The following ZNF423 variants were observed in gnomAD, a reference collection of about 807,000 sequenced individuals.
ZNF423 encodes the protein Ebf-associated zinc finger protein.
ZNF423 carries 12 observed loss-of-function variants against 95.8 expected under a neutral mutation model. The ratio of observed to expected loss-of-function variants is 0.13; its 90% confidence interval spans 0.08 to 0.20. The LOEUF (loss-of-function observed/expected upper bound fraction) is 0.20. Among genes scored for constraint, ZNF423 ranks in the 10% least tolerant of loss-of-function variants. The probability of loss-of-function intolerance (pLI) is 1.00; values close to 1 mark genes in which losing one functional copy is unlikely to be tolerated. For synonymous variants in ZNF423, 749 were observed against 711.9 expected (o/e 1.05, Z -0.83); for missense variants, 1,316 against 1,737.1 (o/e 0.76, Z 4.31).
chr16:49,688,386 A>T (rs1388819430), intron 3 of ZNF423, among the ~76,000 whole-genome samples: 1 of 152,192 alleles, frequency 6.6e-6, no homozygotes, highest in Non-Finnish European at 1.5e-5. Context: ...AATCATTTCA[A>T]CAGAAAAGAC....
chr16:49,525,536 T>C, intron 5 of ZNF423, 42 bp from the exon 6 acceptor site: 2 of 1,612,212 alleles, frequency 1.2e-6, no homozygotes, highest in Non-Finnish European at 1.7e-6. Flanking sequence ...CAGCATGCCA[T>C]GTCCCCCAGA....
chr16:49,537,167 G>T (rs1446505733), intron 5 of ZNF423, among the ~76,000 whole-genome samples: 1 of 152,182 alleles, frequency 6.6e-6, no homozygotes, highest in Non-Finnish European at 1.5e-5. Context: ...ACGAACACAG[G>T]AACACTGCAG....
At chr16:49,660,016 C>G (rs1428450043) in intron 3 of ZNF423, among the ~76,000 whole-genome samples, 1 of 152,232 alleles carries the variant, frequency 6.6e-6, no homozygotes, top group Non-Finnish European at 1.5e-5. Flanking sequence ...TCCTCCTCCT[C>G]CACCCGCAAT....
chr16:49,700,335 AG>A (rs1194811980), intron 3 of ZNF423, among the ~76,000 whole-genome samples: 1 of 152,172 alleles, frequency 6.6e-6, no homozygotes, highest in Non-Finnish European at 1.5e-5. Flanking sequence ...TCAGCACCAC[AG>A]GGCTCCCTGC....
intron 1 of ZNF423, among the ~76,000 whole-genome samples, chr16:49,820,575 A>G (rs974899521): frequency 8.5e-5 from 13 of 152,172 alleles, no homozygotes; most frequent in African/African-American, 3.1e-4. Context: ...GCTTACTTTG[A>G]AATTTTTGCT....
intron 3 of ZNF423, among the ~76,000 whole-genome samples, chr16:49,661,373 T>C (rs1442635361): frequency 1.3e-5 from 2 of 152,238 alleles, no homozygotes; most frequent in East Asian, 3.9e-4. Flanking sequence ...CTTGCAGGCA[T>C]GTGTGTCTTC....
At chr16:49,551,559 T>C (rs1340243460) in intron 5 of ZNF423, among the ~76,000 whole-genome samples, 1 of 152,224 alleles carries the variant, frequency 6.6e-6, no homozygotes, top group African/African-American at 2.4e-5. Flanking sequence ...CTAGTAGCTC[T>C]GTCTCCTTGG....
rs1597018177 is a variant in ZNF423, at chr16:49,797,592, G to C, written c.41-8046C>G. ...GGGGGTGATTGCATGCAAAAGCCAA[G>C]GCTCCCTGCAGCTAAAGCTAAAACC... On this transcript the variant is annotated intron_variant, in intron 1 of 7. Coordinates refer to ENST00000563137, the MANE Select transcript of ZNF423 (RefSeq NM_001379286.1). 2.0e-5 allele frequency among the ~76,000 whole-genome samples: 3 copies of C among 152,340 alleles called. No homozygotes were observed. The East Asian group carries it at 5.8e-4, about 29-fold the overall frequency.
chr16:49,565,019 G>C (rs1455644698), intron 5 of ZNF423, among the ~76,000 whole-genome samples: 1 of 152,118 alleles, frequency 6.6e-6, no homozygotes, highest in Non-Finnish European at 1.5e-5. Flanking sequence ...TGTTCTTGAG[G>C]TTTCGGTTGG....
intron 5 of ZNF423, among the ~76,000 whole-genome samples, chr16:49,606,508 T>C (rs562547670): frequency 1.3e-5 from 2 of 151,840 alleles, no homozygotes; most frequent in Admixed American, 6.5e-5. Flanking sequence ...TCCCAGGGGG[T>C]GATGTGGTAG....
At chr16:49,815,048 G>A (rs1200927720) in intron 1 of ZNF423, among the ~76,000 whole-genome samples, 1 of 152,108 alleles carries the variant, frequency 6.6e-6, no homozygotes, top group East Asian at 1.9e-4. Flanking sequence ...AGGGCCTCAG[G>A]GTCTGGGATG....
intron 3 of ZNF423, among the ~76,000 whole-genome samples, chr16:49,682,829 T>G (rs988568675): frequency 6.6e-6 from 1 of 152,224 alleles, no homozygotes; most frequent in Non-Finnish European, 1.5e-5. Context: ...TATTTTGTCA[T>G]GATGGCAATT....
intron 1 of ZNF423, among the ~76,000 whole-genome samples, chr16:49,838,806 G>A (rs2035150180): frequency 6.6e-6 from 1 of 151,596 alleles, no homozygotes; most frequent in East Asian, 1.9e-4. Flanking sequence ...CCCCGCCGCG[G>A]CCGCTTTGTG....
chr16:49,607,990 G>C (rs1477481030), intron 5 of ZNF423, among the ~76,000 whole-genome samples: 1 of 152,150 alleles, frequency 6.6e-6, no homozygotes, highest in Non-Finnish European at 1.5e-5. Context: ...AGGCATCAAT[G>C]ACTGGAGATC....
At chr16:49,598,757 C>T (rs568507995) in intron 5 of ZNF423, among the ~76,000 whole-genome samples, 1 of 152,362 alleles carries the variant, frequency 6.6e-6, no homozygotes, top group Non-Finnish European at 1.5e-5. Flanking sequence ...CTTCCACATG[C>T]TTTTGGAAAT....
At chr16:49,758,463 T>A (rs1366625616) in intron 2 of ZNF423, among the ~76,000 whole-genome samples, 1 of 152,176 alleles carries the variant, frequency 6.6e-6, no homozygotes, top group Non-Finnish European at 1.5e-5. Flanking sequence ...AATAATCAGC[T>A]GGGCATGGTG....
rs1246829131 is a variant in ZNF423, at chr16:49,638,794, C to T, written c.382G>A (p.Gly128Arg). Residue 128 changes from glycine to arginine, a missense_variant, in exon 4 of 8, where the codon GGA becomes AGA. By Grantham distance (125) the Gly-to-Arg change is moderately radical. Around this residue, in one of 6 missense-constraint regions of ZNF423, gnomAD observed 155 missense variants for 170.8 expected, o/e 0.91. Transcript: ENST00000563137. This position sits in a 1 kb window ranked among gnomAD's most constrained non-coding sequence, Gnocchi z 5.6. Reference protein sequence around the residue: ...KDVASPTQMIGDGCDLGLGEE... With the variant: ...KDVASPTQMIRDGCDLGLGEE... ...CCGAGGCCGAGGTCACAACCATCTC[C>T]GATCATCTGCGTGGGTGACGCAACA... The T allele has an allele frequency of 1.1e-5, 18 of 1,614,000 alleles. No homozygotes were observed. Among genetic ancestry groups the T allele is most frequent in the East Asian group, 2.2e-5 (1 of 44,888 alleles).
At chr16:49,585,550 A>G (rs1172673813) in intron 5 of ZNF423, among the ~76,000 whole-genome samples, 1 of 152,230 alleles carries the variant, frequency 6.6e-6, no homozygotes, top group Admixed American at 6.5e-5. Flanking sequence ...TGCTACAGAG[A>G]GCAGGCTTTG....
At chr16:49,856,211 C>G (rs1281434658), upstream of ZNF423, 1 of 139,458 alleles carries the variant, frequency 7.2e-6, no homozygotes, top group Non-Finnish European at 1.6e-5. Flanking sequence ...TTCCCTCCCC[C>G]ACCCTACCGC....
Sources: allele counts gnomAD v4.1 joint callset (sites outside exome capture counted in the v4.1 genomes callset), GRCh38; gene constraint gnomAD v4.1.1; regional missense constraint gnomAD v4.1.1; non-coding constraint Gnocchi (gnomAD v3.1); transcripts MANE v1.5; gene names NCBI Gene and HGNC (gene_info 2026-07-23, HGNC 2026-07-21).